PDE4B: variants seen among roughly 807,000 people sequenced by gnomAD.
The protein encoded by PDE4B is 3',5'-cyclic-AMP phosphodiesterase 4B.
In PDE4B, 20 loss-of-function variants were observed where a neutral mutation model predicts 82.2. That is an observed-to-expected ratio of 0.24 (90% CI 0.17 to 0.35). PDE4B has a LOEUF of 0.35. PDE4B is among the 10% of genes least tolerant of loss of function. The pLI, the probability that PDE4B is intolerant of heterozygous loss-of-function variation, is 1.00. For missense variants in PDE4B, 655 were observed against 907.2 expected, an observed-to-expected ratio of 0.72 and a Z score of 3.57; for synonymous variants, 320 against 318.9, an observed-to-expected ratio of 1.00 and a Z score of -0.04.
intron 3 of PDE4B, among the ~76,000 whole-genome samples, chr1:66,162,997 C>T (rs1025093127): frequency 1.3e-5 from 2 of 152,160 alleles, no homozygotes. Flanking sequence ...TCTTTTAGTT[C>T]AGTTTTCCAA....
Position 65,926,297 on chromosome 1 carries a change from A to C in PDE4B, c.281+7462A>C, listed in dbSNP as rs142538607. ...TAAGATGATAGTTTTCCTTATTTTTAAAGCAAAGGTTTTGTTGAGATAACC... is the reference window on the plus strand; with the variant it reads ...TAAGATGATAGTTTTCCTTATTTTTCAAGCAAAGGTTTTGTTGAGATAACC... On this transcript the variant is annotated intron_variant, in intron 3 of 16. Transcript: ENST00000341517. 9.8e-5 allele frequency among the ~76,000 whole-genome samples: 15 copies of C among 152,340 alleles called. No homozygotes were observed. In the East Asian group the frequency reaches 2.9e-3, roughly 29 times the overall value.
At chr1:66,324,427 T>C (rs1008763238) in intron 7 of PDE4B, among the ~76,000 whole-genome samples, 4 of 152,192 alleles carry the variant, frequency 2.6e-5, no homozygotes, top group Non-Finnish European at 4.4e-5. Flanking sequence ...TTTTCTCACA[T>C]TCATAATGGA....
intron 3 of PDE4B, among the ~76,000 whole-genome samples, chr1:66,227,310 C>A (rs1651533495): frequency 6.6e-6 from 1 of 152,138 alleles, no homozygotes; most frequent in Admixed American, 6.5e-5. Flanking sequence ...GTAAAAAGAT[C>A]TTTGCTTGAA....
At chr1:65,878,388 C>T (rs1646672051) in intron 1 of PDE4B, among the ~76,000 whole-genome samples, 1 of 152,130 alleles carries the variant, frequency 6.6e-6, no homozygotes. Context: ...TGGGTATGTA[C>T]CCAAAGGATT....
chr1:66,318,743 T>A (rs954134386), intron 7 of PDE4B, among the ~76,000 whole-genome samples: 3 of 152,206 alleles, frequency 2.0e-5, no homozygotes, highest in Non-Finnish European at 4.4e-5. Context: ...GCAAAATAGT[T>A]AACATGTAAT....
intron 3 of PDE4B, among the ~76,000 whole-genome samples, chr1:65,940,121 G>A (rs1285170237): frequency 6.6e-6 from 1 of 152,150 alleles, no homozygotes; most frequent in Non-Finnish European, 1.5e-5. Context: ...TGCTACGGAA[G>A]TCCTCCAAGA....
intron 10 of PDE4B, among the ~76,000 whole-genome samples, chr1:66,362,552 A>G (rs546162489): frequency 6.6e-6 from 1 of 152,324 alleles, no homozygotes; most frequent in African/African-American, 2.4e-5. Context: ...AGAATGAAAT[A>G]AATTGGTCCT....
At chr1:66,177,225 T>C (rs1433523396) in intron 3 of PDE4B, among the ~76,000 whole-genome samples, 1 of 152,198 alleles carries the variant, frequency 6.6e-6, no homozygotes, top group Non-Finnish European at 1.5e-5. Context: ...ATGTGTATTG[T>C]TTATTTCCGT....
intron 3 of PDE4B, among the ~76,000 whole-genome samples, chr1:66,053,015 G>A (rs920267975): frequency 6.6e-6 from 1 of 152,044 alleles, no homozygotes; most frequent in African/African-American, 2.4e-5. Context: ...TATTATTTCC[G>A]AGCCCATTTT....
intron 8 of PDE4B, among the ~76,000 whole-genome samples, chr1:66,340,202 CCCT>C (rs1660870101): frequency 6.6e-6 from 1 of 152,162 alleles, no homozygotes; most frequent in African/African-American, 2.4e-5. Context: ...CGTGATGTTT[CCCT>C]CAAGTGGTGC....
At chr1:66,299,467 G>T (rs1657735120) in intron 7 of PDE4B, among the ~76,000 whole-genome samples, 1 of 152,116 alleles carries the variant, frequency 6.6e-6, no homozygotes, top group Non-Finnish European at 1.5e-5. Context: ...TTCATTTGCT[G>T]ATGGACATTT....
intron 3 of PDE4B, among the ~76,000 whole-genome samples, chr1:66,081,646 C>A (rs904772310): frequency 6.6e-6 from 1 of 151,978 alleles, no homozygotes; most frequent in Non-Finnish European, 1.5e-5. Flanking sequence ...TTATCAGGAA[C>A]CCTGGTAGCA....
chr1:65,985,160 A>G (rs1025356754), intron 3 of PDE4B, among the ~76,000 whole-genome samples: 1 of 152,294 alleles, frequency 6.6e-6, no homozygotes. Flanking sequence ...TTCTACATTG[A>G]TATGTATTAT....
At position 65,814,231 on chromosome 1, in the gene PDE4B, G is replaced by A. The variant is rs139123919; in HGVS notation, c.-71+20983G>A. Reference sequence around the variant, plus strand: ...GTCAGCACTCTTCCTCTAGCTGGCTGGACTGGTAGTCTTCAAATCCTTTTG... The same window carrying A: ...GTCAGCACTCTTCCTCTAGCTGGCTAGACTGGTAGTCTTCAAATCCTTTTG... On this transcript the variant is annotated intron_variant, in intron 1 of 16. Transcript: ENST00000341517. Among the ~76,000 whole-genome samples, 498 of 152,242 alleles carry A rather than the reference G, an allele frequency of 3.3e-3. 2 individuals carry two copies. The highest frequency in any genetic ancestry group is 0.011 in the African/African-American group (465 of 41,530).
At chr1:66,154,015 C>A (rs771773382) in intron 3 of PDE4B, among the ~76,000 whole-genome samples, 23 of 152,286 alleles carry the variant, frequency 1.5e-4, no homozygotes, top group Non-Finnish European at 3.2e-4. Flanking sequence ...TAAATGCCTA[C>A]ATTAACTTTT....
At chr1:66,134,256 G>T (rs1453823870) in intron 3 of PDE4B, among the ~76,000 whole-genome samples, 1 of 152,174 alleles carries the variant, frequency 6.6e-6, no homozygotes, top group African/African-American at 2.4e-5. Flanking sequence ...CCATGGAGTT[G>T]CTTTGAATAA....
At chr1:66,239,306 C>T (rs961319566) in intron 3 of PDE4B, among the ~76,000 whole-genome samples, 2 of 152,036 alleles carry the variant, frequency 1.3e-5, no homozygotes, top group African/African-American at 4.8e-5. Context: ...CAATGCAAAG[C>T]CACCCCCCTC....
At chr1:66,361,489 A>G in intron 9 of PDE4B, 126 bp from the exon 10 acceptor site, 1 of 686,030 alleles carries the variant, frequency 1.5e-6, no homozygotes, top group Non-Finnish European at 2.4e-6. Flanking sequence ...ATACAGTGAA[A>G]TAGTGCTACA....
At chr1:65,804,966 G>T (rs1040179237) in intron 1 of PDE4B, among the ~76,000 whole-genome samples, 1 of 122,572 alleles carries the variant, frequency 8.2e-6, no homozygotes, top group Non-Finnish European at 1.7e-5. Context: ...TTTTTGGGGG[G>T]GTGGGTGGGG....
Sources: allele counts gnomAD v4.1 joint callset (sites outside exome capture counted in the v4.1 genomes callset), GRCh38; gene constraint gnomAD v4.1.1; transcripts MANE v1.5; gene names NCBI Gene and HGNC (gene_info 2026-07-23, HGNC 2026-07-21).